IDNK: variants seen among roughly 807,000 people sequenced by gnomAD.
IDNK encodes IDNK gluconokinase, also known as gluconokinase.
Under a neutral mutation model 13.0 loss-of-function variants are expected in IDNK, and 9 were observed. That is an observed-to-expected ratio of 0.69 (90% CI 0.42 to 1.21). The LOEUF is 1.21. IDNK is among the 50% of genes most tolerant of loss of function. IDNK has a pLI of 0.00. For missense variants in IDNK, 210 were observed against 237.8 expected (o/e 0.88, Z 0.77); for synonymous variants, 92 against 94.9 (o/e 0.97, Z 0.18).
At chr9:83,630,114 T>C (rs562444152) in intron 3 of IDNK, among the ~76,000 whole-genome samples, 13 of 152,364 alleles carry the variant, frequency 8.5e-5, no homozygotes, top group African/African-American at 2.4e-4. Flanking sequence ...AGGTGTCCTT[T>C]CCCTAGCTCA....
chr9:83,628,452 C>G (rs573525658), intron 2 of IDNK, among the ~76,000 whole-genome samples: 1 of 152,220 alleles, frequency 6.6e-6, no homozygotes, highest in Admixed American at 6.5e-5. Flanking sequence ...AGTTCAAGAC[C>G]ATCCTGGCCA....
At position 83,641,605 on chromosome 9, in the gene IDNK, A is replaced by C. The variant is rs370620281; in HGVS notation, c.212+14A>C. The C allele has an allele frequency of 8.7e-6, 14 of 1,613,852 alleles. No individual in the cohort carries two copies. In the African/African-American group the frequency reaches 1.9e-4, roughly 22 times the overall value. On this transcript the variant is annotated intron_variant, in intron 4 of 4. Coordinates refer to ENST00000376419, the MANE Select transcript of IDNK (RefSeq NM_001001551.4). ...CATTTTACTAAGGTAAGAGACCACCAGGCCTTGGCATAAGCCAAAGCCAGC... is the reference window on the plus strand; with the variant it reads ...CATTTTACTAAGGTAAGAGACCACCCGGCCTTGGCATAAGCCAAAGCCAGC...
intron 4 of IDNK, among the ~76,000 whole-genome samples, chr9:83,642,931 C>T (rs576030928): frequency 6.6e-6 from 1 of 152,302 alleles, no homozygotes; most frequent in Admixed American, 6.5e-5. Flanking sequence ...CACCTGGCAA[C>T]TCCCCCAGAC....
intron 4 of IDNK, among the ~76,000 whole-genome samples, chr9:83,642,404 G>A (rs1182404073): frequency 6.6e-6 from 1 of 151,994 alleles, no homozygotes; most frequent in Non-Finnish European, 1.5e-5. Flanking sequence ...TTGATTTAGG[G>A]GTTTATGGTT....
intron 3 of IDNK, among the ~76,000 whole-genome samples, chr9:83,637,985 C>A (rs1450927034): frequency 6.6e-6 from 1 of 152,152 alleles, no homozygotes; most frequent in African/African-American, 2.4e-5. Flanking sequence ...GCTCCGGCTA[C>A]ACCCAAATTC....
At chr9:83,623,322 A>G in intron 1 of IDNK, 101 bp downstream of exon 1, 2 of 1,068,026 alleles carry the variant, frequency 1.9e-6, no homozygotes, top group South Asian at 1.9e-5. Context: ...GGTCTTGGGG[A>G]CCCCCCACCC....
rs759368890 is a variant in IDNK at position 83,626,732 on chromosome 9, G to A, written c.51-1449G>A. ...GGCTCAACCTAACTTGGTCTTAAGT[G>A]TGATTTCTGCTATGCACACTTCTGG... On this transcript the variant is annotated intron_variant, in intron 1 of 4. Coordinates refer to ENST00000376419, the MANE Select transcript of IDNK (RefSeq NM_001001551.4). The A allele has an allele frequency of 3.8e-5, 47 of 1,249,638 alleles. No individual in the cohort carries two copies. The Admixed American group carries it at 7.0e-4, about 19-fold the overall frequency. The allele number at this position is 1,249,638 out of a possible 1,614,324, so 77.4% of individuals were successfully genotyped here.
rs747649730 is a variant in IDNK at position 83,643,556 on chromosome 9, C to CA, written c.341dup (p.Ala115GlyfsTer2). On this transcript the variant is annotated frameshift_variant, in exon 5 of 5. Transcript: ENST00000376419. LOFTEE classifies it high-confidence loss of function. ...TGAGGAGTCGGGAAAGGAAGCAAAG[C>CA]AGGCTGAGATGCAGCTCCTGGTGGT... is the stretch of plus-strand genomic sequence containing the variant. 8 of 1,613,956 alleles carry CA rather than the reference C, an allele frequency of 5.0e-6. No individual in the cohort carries two copies. Among genetic ancestry groups the CA allele is most frequent in the Non-Finnish European group, 6.8e-6 (8 of 1,179,994 alleles).
intron 1 of IDNK, chr9:83,623,429 G>A: frequency 1.8e-6 from 1 of 564,418 alleles, no homozygotes; most frequent in Non-Finnish European, 3.1e-6. Context: ...GACCGCATCC[G>A]AGCTCCGGGT....
At chr9:83,624,303 C>G (rs1830784960) in intron 1 of IDNK, among the ~76,000 whole-genome samples, 1 of 152,172 alleles carries the variant, frequency 6.6e-6, no homozygotes, top group South Asian at 2.1e-4. Flanking sequence ...CTGGGCAGTT[C>G]ATGTACCCCC....
At chr9:83,634,979 T>C (rs950065407) in intron 3 of IDNK, among the ~76,000 whole-genome samples, 3 of 152,220 alleles carry the variant, frequency 2.0e-5, no homozygotes, top group African/African-American at 7.2e-5. Context: ...AACTTTCCAA[T>C]CACTTCCTCT....
At chr9:83,641,237 T>C (rs1831298550) in intron 3 of IDNK, among the ~76,000 whole-genome samples, 1 of 152,174 alleles carries the variant, frequency 6.6e-6, no homozygotes. Context: ...ATACAGGCAG[T>C]ACAATAAAAG....
intron 3 of IDNK, among the ~76,000 whole-genome samples, chr9:83,641,047 T>G (rs1831292179): frequency 6.6e-6 from 1 of 152,254 alleles, no homozygotes; most frequent in Non-Finnish European, 1.5e-5. Flanking sequence ...TGAAACACTG[T>G]AGCACGTGCT....
intron 3 of IDNK, among the ~76,000 whole-genome samples, chr9:83,639,644 T>C (rs1831250122): frequency 6.6e-6 from 1 of 152,184 alleles, no homozygotes; most frequent in Non-Finnish European, 1.5e-5. Context: ...CAAAACTGGA[T>C]AATTTCAGTG....
chr9:83,641,523 G>A (rs1384692237), intron 3 of IDNK, 25 bp from the exon 4 acceptor site: 6 of 1,613,362 alleles, frequency 3.7e-6, no homozygotes, highest in African/African-American at 1.3e-5. Context: ...CGTTGTGTCT[G>A]GGTTTTTGTT....
chr9:83,625,435 GGGTGTACTTAAA>G (rs1435451725), intron 1 of IDNK, among the ~76,000 whole-genome samples: 1 of 152,204 alleles, frequency 6.6e-6, no homozygotes, highest in Non-Finnish European at 1.5e-5. Flanking sequence ...ACTGTTGTGT[GGGTGTACTTAAA>G]GATCTAAGGT....
intron 3 of IDNK, among the ~76,000 whole-genome samples, chr9:83,631,048 C>T (rs533280063): frequency 5.9e-5 from 9 of 152,232 alleles, no homozygotes; most frequent in South Asian, 4.1e-4. Context: ...AAGAATCCAA[C>T]GAGTCTAAGA....
intron 1 of IDNK, chr9:83,626,730 G>T: frequency 8.0e-7 from 1 of 1,252,114 alleles, no homozygotes; most frequent in Non-Finnish European, 1.0e-6. Flanking sequence ...TTGGTCTTAA[G>T]TGTGATTTCT....
intron 3 of IDNK, among the ~76,000 whole-genome samples, chr9:83,630,253 C>T (rs1177272391): frequency 6.6e-6 from 1 of 152,146 alleles, no homozygotes; most frequent in Non-Finnish European, 1.5e-5. Flanking sequence ...GGCCTTGAAT[C>T]ATCACAGGTT....
Sources: allele counts gnomAD v4.1 joint callset (sites outside exome capture counted in the v4.1 genomes callset), GRCh38; gene constraint gnomAD v4.1.1; transcripts MANE v1.5; gene names NCBI Gene and HGNC (gene_info 2026-07-23, HGNC 2026-07-21).